The following SF3B2 variants were observed in gnomAD, a reference collection of about 807,000 sequenced individuals.
The protein encoded by SF3B2 is SAP 145.
SF3B2 carries 22 observed loss-of-function variants against 116.3 expected under a neutral mutation model. That is an observed-to-expected ratio of 0.19 (90% CI 0.14 to 0.27). The LOEUF (loss-of-function observed/expected upper bound fraction) is 0.27, where lower values mean the gene tolerates loss of function less well. Ranked by LOEUF, SF3B2 falls within the 10% of genes least tolerant of loss-of-function variation. The pLI, the probability that SF3B2 is intolerant of heterozygous loss-of-function variation, is 1.00. For synonymous variants in SF3B2, 406 were observed against 421.6 expected, an observed-to-expected ratio of 0.96 and a Z score of 0.45; for missense variants, 767 against 1,151.4, an observed-to-expected ratio of 0.67 and a Z score of 4.83.
rs1565085596 is a variant in SF3B2 at position 66,053,018 on chromosome 11, C to G, written c.181-9C>G. ...TTTGGACTGACCTAGAGTCCTTTCT[C>G]TTTTGCAGACTGGCATCGTGCTGAA... On this transcript the variant is annotated splice_polypyrimidine_tract_variant and intron_variant, in intron 2 of 21. Coordinates refer to ENST00000322535, the MANE Select transcript of SF3B2 (RefSeq NM_006842.3). 4 of 1,614,072 alleles carry G rather than the reference C, an allele frequency of 2.5e-6. No individual in the cohort carries two copies. Among genetic ancestry groups the G allele is most frequent in the South Asian group, 2.2e-5 (2 of 91,082 alleles).
Position 66,059,784 on chromosome 11 carries a change from G to C in SF3B2, c.1404G>C (p.Leu468=). ...ACGCATTACTATGTGTTTTCCAGCT[G>C]GTGGCTCGGCCCGATGTCGTGGAGA... ...NRFTVAELKQ[L]VARPDVVEMH... The change falls in exon 13 of 22, where the codon CTG becomes CTC. Residue 468 remains leucine (L), a splice_region_variant and synonymous_variant. Transcript: ENST00000322535. This position sits in a 1 kb window ranked among gnomAD's most constrained non-coding sequence, Gnocchi z 5.0. The C allele has an allele frequency of 6.2e-7, 1 of 1,614,186 alleles. No homozygotes were observed.
chr11:66,054,531 C>T (rs574548569), intron 3 of SF3B2, among the ~76,000 whole-genome samples: 1 of 152,042 alleles, frequency 6.6e-6, no homozygotes, highest in Admixed American at 6.5e-5. Flanking sequence ...TTGTCCTTAC[C>T]CAGCTGGAAG....
In SF3B2 at chr11:66,063,661, G is replaced by A. The variant is rs763840057; in HGVS notation, c.2262G>A (p.Val754=). Residue 754 remains valine, a synonymous_variant, in exon 19 of 22, where the codon GTG becomes GTA. Coordinates refer to ENST00000322535, the MANE Select transcript of SF3B2 (RefSeq NM_006842.3). ...TCACTCCTGGAGGCTTTTCATCAGT[G>A]CCTGCTGGAATGGAGACCCCTGAAC... is the stretch of plus-strand genomic sequence containing the variant. ...GLITPGGFSS[V]PAGMETPELI... The A allele has an allele frequency of 6.2e-7, 1 of 1,613,708 alleles. No individual in the cohort carries two copies. The highest frequency in any genetic ancestry group is 8.5e-7 in the Non-Finnish European group (1 of 1,179,886).
intron 5 of SF3B2, 107 bp downstream of exon 5, chr11:66,055,692 T>A: frequency 5.2e-6 from 5 of 962,812 alleles, no homozygotes; most frequent in South Asian, 1.5e-5. Flanking sequence ...TACTTTGTTC[T>A]CAACTAAGTT....
At position 66,059,370 on chromosome 11, in the gene SF3B2, G is replaced by A. The variant is rs533748829; in HGVS notation, c.1320+32G>A. The A allele has an allele frequency of 2.5e-5, 40 of 1,613,374 alleles. 1 individual carries two copies. The South Asian group carries it at 2.9e-4, about 12-fold the overall frequency. On this transcript the variant is annotated intron_variant, in intron 11 of 21. Coordinates refer to ENST00000322535, the MANE Select transcript of SF3B2 (RefSeq NM_006842.3). This position sits in a 1 kb window ranked among gnomAD's most constrained non-coding sequence, Gnocchi z 5.0. ...CCCAGCCCTCCTGGTGGGAAGCAGGGACTCTGGGCACAGGTGGCTGAGATG... is the reference window on the plus strand; with the variant it reads ...CCCAGCCCTCCTGGTGGGAAGCAGGAACTCTGGGCACAGGTGGCTGAGATG...
intron 1 of SF3B2, 48 bp downstream of exon 1, chr11:66,052,565 C>T (rs766790570): frequency 6.3e-7 from 1 of 1,595,956 alleles, no homozygotes; most frequent in South Asian, 1.1e-5. Context: ...TGCGGAGAAG[C>T]GGAGCCTGGT....
In SF3B2 at chr11:66,052,372, T is replaced by C. The variant is rs1355952399; in HGVS notation, c.-13T>C. On this transcript the variant is annotated 5_prime_UTR_variant, in exon 1 of 22. Transcript: ENST00000322535. ...CAGCTTCCGGGTTGGTCGCGCGCCT[T>C]CCTGCGGCTAAGATGGCGACGGAGC... The C allele has an allele frequency of 6.2e-7, 1 of 1,606,408 alleles. No homozygotes were observed. The highest frequency in any genetic ancestry group is 8.5e-7 in the Non-Finnish European group (1 of 1,176,974).
Position 66,069,078 on chromosome 11 carries a change from T to C in SF3B2, c.*333T>C. On this transcript the variant is annotated 3_prime_UTR_variant, in exon 22 of 22. Transcript: ENST00000322535. ...CAGGCTGAAATCTGTGTTTCACCAC[T>C]GCCCTGCTTTGTAGGAAGGCTTGGG... 2 of 380,892 alleles carry C rather than the reference T, an allele frequency of 5.3e-6. No individual in the cohort carries two copies. Among genetic ancestry groups the C allele is most frequent in the Non-Finnish European group, 1.0e-5 (2 of 197,440 alleles). 23.6% of individuals were successfully genotyped at this position (380,892 alleles called of 1,614,324 possible).
In SF3B2 at chr11:66,052,368, GC is replaced by G; in HGVS notation, c.-15del. ...GCCCCAGCTTCCGGGTTGGTCGCGC[GC>G]CTTCCTGCGGCTAAGATGGCGACGG... On this transcript the variant is annotated 5_prime_UTR_variant, in exon 1 of 22. Coordinates refer to ENST00000322535, the MANE Select transcript of SF3B2 (RefSeq NM_006842.3). 6.2e-7 allele frequency: 1 copy of G among 1,605,458 alleles called. No individual in the cohort carries two copies. The highest frequency in any genetic ancestry group is 8.5e-7 in the Non-Finnish European group (1 of 1,176,490).
At chr11:66,062,560 T>G (rs1044980524) in intron 16 of SF3B2, among the ~76,000 whole-genome samples, 2 of 11,104 alleles carry the variant, frequency 1.8e-4, no homozygotes, top group Non-Finnish European at 0.015. Flanking sequence ...CAAGAATGTC[T>G]TCAAATTTCT....
intron 5 of SF3B2, among the ~76,000 whole-genome samples, chr11:66,056,046 T>G (rs973456323): frequency 6.6e-6 from 1 of 152,090 alleles, no homozygotes; most frequent in Non-Finnish European, 1.5e-5. Context: ...GCCCCAGAGG[T>G]GCATTGCATC....
chr11:66,053,161 G>C (rs1194532095), intron 3 of SF3B2, 57 bp downstream of exon 3: 4 of 1,509,850 alleles, frequency 2.6e-6, no homozygotes, highest in Non-Finnish European at 3.7e-6. Context: ...TGTAGTTCAT[G>C]AGCATGATGA....
At chr11:66,063,225 T>C in intron 17 of SF3B2, 109 bp downstream of exon 17, 1 of 1,022,128 alleles carries the variant, frequency 9.8e-7, no homozygotes, top group Non-Finnish European at 1.5e-6. Context: ...CAGCAGAGCC[T>C]GGAAAAGGGC....
chr11:66,060,704 G>T lies in SF3B2; in HGVS notation c.1752G>T (p.Leu584=), dbSNP rs753685881. The change falls in exon 14 of 22, where the codon CTG becomes CTT. Residue 584 remains leucine (L), a synonymous_variant. Transcript: ENST00000322535. ...AFFKWQTKPK[L]TIHGDLYYEG... Reference sequence around the variant, plus strand: ...TCAAGTGGCAGACCAAGCCAAAGCTGACCATCCATGGGGACCTGTACTATG... The same window carrying T: ...TCAAGTGGCAGACCAAGCCAAAGCTTACCATCCATGGGGACCTGTACTATG... 6.2e-7 allele frequency: 1 copy of T among 1,614,202 alleles called. No individual in the cohort carries two copies. Among genetic ancestry groups the T allele is most frequent in the Non-Finnish European group, 8.5e-7 (1 of 1,180,040 alleles).
At position 66,056,699 on chromosome 11, in the gene SF3B2, G is replaced by A. The variant is rs994979143; in HGVS notation, c.550-139G>A. The A allele has an allele frequency of 5.3e-5, 34 of 644,056 alleles. 1 individual carries two copies. The highest frequency in any genetic ancestry group is 9.5e-5 in the Non-Finnish European group (33 of 349,094). The allele number at this position is 644,056 out of a possible 1,614,324, so 39.9% of individuals were successfully genotyped here. A position where few individuals can be genotyped will look rare whatever the true frequency, so the allele number is the denominator to read the frequency against. On this transcript the variant is annotated intron_variant, in intron 5 of 21. Transcript: ENST00000322535. The stretch of plus-strand genomic sequence containing the variant: ...TTGGATTAGTAGCCTGGAAGTGTGG[G>A]GGTGGAGGGGATGTCAGCACCCAAG...
At chr11:66,056,799 C>T (rs1419990999) in intron 5 of SF3B2, 39 bp from the exon 6 acceptor site, 22 of 1,491,958 alleles carry the variant, frequency 1.5e-5, no homozygotes, top group East Asian at 4.5e-5. Context: ...CTGCCAAATG[C>T]GTTTTCAGGC....
Position 66,058,821 on chromosome 11 carries a change from T to C in SF3B2, c.967-9T>C, listed in dbSNP as rs764045751. The C allele has an allele frequency of 5.6e-6, 9 of 1,606,514 alleles. No individual in the cohort carries two copies. The Admixed American group carries it at 1.5e-4, about 27-fold the overall frequency. ...TCCCTGACCCAGCTGGTTTTCCTCC[T>C]CTTGACAGAAAAACCGGAAGCGTAG... On this transcript the variant is annotated splice_polypyrimidine_tract_variant and intron_variant, in intron 9 of 21. Transcript: ENST00000322535.
chr11:66,053,802 C>A, intron 3 of SF3B2: 1 of 152,730 alleles, frequency 6.5e-6, no homozygotes, highest in South Asian at 1.8e-4. Flanking sequence ...ACCACCATAG[C>A]ACACATTTAC....
chr11:66,053,193 T>A, intron 3 of SF3B2, 89 bp downstream of exon 3: 1 of 1,240,088 alleles, frequency 8.1e-7, no homozygotes. Flanking sequence ...CGTGCATGTG[T>A]GAGATGTGAC....
Sources: allele counts gnomAD v4.1 joint callset (sites outside exome capture counted in the v4.1 genomes callset), GRCh38; gene constraint gnomAD v4.1.1; non-coding constraint Gnocchi (gnomAD v3.1); transcripts MANE v1.5; gene names NCBI Gene and HGNC (gene_info 2026-07-23, HGNC 2026-07-21).